The following NAGPA variants were observed in gnomAD, a reference collection of about 807,000 sequenced individuals.
NAGPA encodes the protein N-acetylglucosamine-1-phosphodiester alpha-N-acetylglucosaminidase.
Under a neutral mutation model 48.5 loss-of-function variants are expected in NAGPA, and 56 were observed. That is an observed-to-expected ratio of 1.15 (90% CI 0.93 to 1.44). NAGPA has a LOEUF of 1.44. Among genes scored for constraint, NAGPA ranks in the 40% most tolerant of loss-of-function variants. NAGPA has a pLI of 0.00. For synonymous variants in NAGPA, 399 were observed against 315.5 expected (o/e 1.26, Z -2.81); for missense variants, 888 against 735.0 (o/e 1.21, Z -2.41).
intron 5 of NAGPA, chr16:5,028,626 C>G: frequency 3.4e-6 from 2 of 591,776 alleles, no homozygotes; most frequent in Non-Finnish European, 6.0e-6. Flanking sequence ...GAAGGCTCTC[C>G]CACCCCCACC....
In NAGPA at chr16:5,027,217, AG is replaced by A; in HGVS notation, c.1277-20del. ...TGCTTTACTGTAACATACCAGAGACAGGCTGAAGGGGCCGGAGCAGGAGCGT... is the reference window on the plus strand; with the variant it reads ...TGCTTTACTGTAACATACCAGAGACAGCTGAAGGGGCCGGAGCAGGAGCGT... On this transcript the variant is annotated intron_variant, in intron 8 of 9. Coordinates refer to ENST00000312251, the MANE Select transcript of NAGPA (RefSeq NM_016256.4). The A allele has an allele frequency of 6.2e-7, 1 of 1,614,236 alleles. No homozygotes were observed. The highest frequency in any genetic ancestry group is 8.5e-7 in the Non-Finnish European group (1 of 1,180,038).
In NAGPA at chr16:5,028,284, T is replaced by TCTAC; in HGVS notation, c.921-103_921-100dup. On this transcript the variant is annotated intron_variant, in intron 5 of 9. Transcript: ENST00000312251. Reference sequence around the variant, plus strand: ...CCACCCCTCTCTCCATTCTCACCTGTCTACCTACCTACCTACAAGATGGCG... The same window carrying TCTAC: ...CCACCCCTCTCTCCATTCTCACCTGTCTACCTACCTACCTACCTACAAGATGGCG... 62 of 1,534,808 alleles carry TCTAC rather than the reference T, an allele frequency of 4.0e-5. No homozygotes were observed. The African/African-American group carries it at 6.7e-4, about 16-fold the overall frequency.
Position 5,030,867 on chromosome 16 carries a change from G to A in NAGPA, c.683-374C>T, listed in dbSNP as rs187136905. 2.2e-4 allele frequency among the ~76,000 whole-genome samples: 34 copies of A among 151,870 alleles called. No individual in the cohort carries two copies. In the East Asian group the frequency reaches 6.0e-3, roughly 27 times the overall value. ...CCTGTTCCCTCTGGCTGGGAACTGT[G>A]CTTTTCTCTAGCTTGCTCCTTTGTC... On this transcript the variant is annotated intron_variant, in intron 3 of 9. Coordinates refer to ENST00000312251, the MANE Select transcript of NAGPA (RefSeq NM_016256.4).
At chr16:5,028,323 G>C (rs1375130417) in intron 5 of NAGPA, 138 bp from the exon 6 acceptor site, 2 of 1,492,316 alleles carry the variant, frequency 1.3e-6, no homozygotes, top group African/African-American at 1.4e-5. Flanking sequence ...ATCTATTTTT[G>C]AGATGAGGTA....
chr16:5,027,996 G>GCAC lies in NAGPA; in HGVS notation c.1109_1110insGTG (p.His370delinsGlnCys), dbSNP rs757777767. The GCAC allele has an allele frequency of 1.3e-6, 2 of 1,597,530 alleles. No homozygotes were observed. The highest frequency in any genetic ancestry group is 1.7e-6 in the Non-Finnish European group (2 of 1,173,776). On this transcript the variant is annotated protein_altering_variant, in exon 6 of 10. Transcript: ENST00000312251. ...CCCACTCACTCTCCGTGCACAGTCCGTGCTGGCTGCAGTTAGAGGGGCCAC... is the reference window on the plus strand; with the variant it reads ...CCCACTCACTCTCCGTGCACAGTCCGCACTGCTGGCTGCAGTTAGAGGGGCCAC...
At chr16:5,030,201 C>A (rs1956075154) in intron 4 of NAGPA, 184 bp downstream of exon 4, 1 of 639,322 alleles carries the variant, frequency 1.6e-6, no homozygotes, top group Non-Finnish European at 2.8e-6. Flanking sequence ...ATGATGAGTT[C>A]TTGGAATCGG....
In NAGPA at chr16:5,031,870, T is replaced by A; in HGVS notation, c.557A>T (p.Glu186Val). 13 of 1,614,086 alleles carry A rather than the reference T, an allele frequency of 8.1e-6. No homozygotes were observed. Among genetic ancestry groups the A allele is most frequent in the Non-Finnish European group, 1.1e-5 (13 of 1,180,004 alleles). Reference protein sequence around the residue: ...GTLVTGYLSEEEVLDTENPFV... With the variant: ...GTLVTGYLSEVEVLDTENPFV... Reference sequence around the variant, plus strand: ...TGGGTTCTCAGTGTCCAGCACCTCCTCCTCAGACAGGTACCTGGATCCGGG... The same window carrying A: ...TGGGTTCTCAGTGTCCAGCACCTCCACCTCAGACAGGTACCTGGATCCGGG... The change falls in exon 3 of 10, where the codon GAG becomes GTG. Residue 186 changes from glutamate (E) to valine (V), a missense_variant. Glu to Val is a moderately radical substitution (Grantham distance 121). Transcript: ENST00000312251.
At chr16:5,027,576 C>T (rs1417186231) in intron 7 of NAGPA, among the ~76,000 whole-genome samples, 197 bp from the exon 8 acceptor site, 1 of 152,222 alleles carries the variant, frequency 6.6e-6, no homozygotes, top group Non-Finnish European at 1.5e-5. Flanking sequence ...TACAGAGGCA[C>T]TGCAGTTAGG....
At chr16:5,030,518 T>C in intron 3 of NAGPA, 25 bp from the exon 4 acceptor site, 1 of 1,540,598 alleles carries the variant, frequency 6.5e-7, no homozygotes. Flanking sequence ...GCCTGGCTGA[T>C]CACCGCCCCT....
chr16:5,029,974 G>T (rs1596664646), intron 4 of NAGPA: 1 of 295,742 alleles, frequency 3.4e-6, no homozygotes, highest in East Asian at 8.8e-5. Context: ...TGCTAAATTT[G>T]TGCTGGTTAT....
intron 5 of NAGPA, chr16:5,028,522 C>T: frequency 1.7e-6 from 1 of 597,714 alleles, no homozygotes; most frequent in South Asian, 1.7e-5. Flanking sequence ...GGCGTGAGCC[C>T]CTGTGCCCAG....
At chr16:5,027,060 A>C in intron 9 of NAGPA, 75 bp downstream of exon 9, 1 of 1,554,300 alleles carries the variant, frequency 6.4e-7, no homozygotes, top group Non-Finnish European at 8.8e-7. Context: ...GCAGAGATGG[A>C]CCTCACAGGG....
intron 8 of NAGPA, 32 bp from the exon 9 acceptor site, chr16:5,027,230 CG>C: frequency 1.2e-6 from 2 of 1,614,104 alleles, no homozygotes; most frequent in Non-Finnish European, 1.7e-6. Context: ...CTGAAGGGGC[CG>C]GAGCAGGAGC....
Position 5,033,720 on chromosome 16 carries a change from C to G in NAGPA, c.95G>C (p.Arg32Pro). Residue 32 changes from arginine to proline, a missense_variant, in exon 2 of 10, where the codon CGC becomes CCC. Coordinates refer to ENST00000312251, the MANE Select transcript of NAGPA (RefSeq NM_016256.4). This position sits in a 1 kb window ranked among gnomAD's most constrained non-coding sequence, Gnocchi z 4.2. ...ASGGLDSGASRDDDLLLPYPR... is the reference protein window; with the variant it reads ...ASGGLDSGASPDDDLLLPYPR... ...ATAGGGCAGTAGCAAGTCGTCGTCGCGGGAGGCCCTGCGGGGACGGGCGGC... is the reference window on the plus strand; with the variant it reads ...ATAGGGCAGTAGCAAGTCGTCGTCGGGGGAGGCCCTGCGGGGACGGGCGGC... 1 of 1,603,754 alleles carries G rather than the reference C, an allele frequency of 6.2e-7. No individual in the cohort carries two copies. Among genetic ancestry groups the G allele is most frequent in the Non-Finnish European group, 8.5e-7 (1 of 1,177,464 alleles).
At position 5,033,688 on chromosome 16, in the gene NAGPA, C is replaced by G; in HGVS notation, c.127G>C (p.Ala43Pro). ...CAGTCCCGGGGGAGGCGCGCGCGCG[C>G]GCGTGGATAGGGCAGTAGCAAGTCG... Reference protein sequence around the residue: ...DDDLLLPYPRARARLPRDCTR... With the variant: ...DDDLLLPYPRPRARLPRDCTR... The change falls in exon 2 of 10, where the codon GCG becomes CCG. Residue 43 changes from alanine to proline, a missense_variant. Ala to Pro is a conservative substitution (Grantham distance 27). Coordinates refer to ENST00000312251, the MANE Select transcript of NAGPA (RefSeq NM_016256.4). The surrounding 1 kb of genome is among the most constrained non-coding windows in gnomAD (Gnocchi z 4.2). 1 of 1,596,706 alleles carries G rather than the reference C, an allele frequency of 6.3e-7. No homozygotes were observed. The highest frequency in any genetic ancestry group is 8.5e-7 in the Non-Finnish European group (1 of 1,175,812).
chr16:5,032,490 C>T (rs866443490), intron 2 of NAGPA, among the ~76,000 whole-genome samples: 1 of 126,730 alleles, frequency 7.9e-6, no homozygotes, highest in Non-Finnish European at 1.7e-5. Context: ...CCCACTCCCC[C>T]GTTCCCCACC....
intron 9 of NAGPA, 90 bp downstream of exon 9, chr16:5,027,045 C>G (rs915303794): frequency 4.7e-6 from 7 of 1,495,772 alleles, no homozygotes; most frequent in Admixed American, 3.6e-5. Flanking sequence ...TGGCAGGGGA[C>G]AAGGGCAGAG....
At position 5,033,196 on chromosome 16, in the gene NAGPA, T is replaced by G. The variant is rs549194195; in HGVS notation, c.542+77A>C. ...CAGGGGCTCAGCTTGGTTAAGTGAC[T>G]TGAACACGGAGGCACGGCTACAACC... On this transcript the variant is annotated intron_variant, in intron 2 of 9. Transcript: ENST00000312251. This position sits in a 1 kb window ranked among gnomAD's most constrained non-coding sequence, Gnocchi z 4.2. 3 of 1,504,686 alleles carry G rather than the reference T, an allele frequency of 2.0e-6. No homozygotes were observed. The highest frequency in any genetic ancestry group is 2.7e-6 in the Non-Finnish European group (3 of 1,118,996). The allele number at this position is 1,504,686 out of a possible 1,614,324, so 93.2% of individuals were successfully genotyped here. A position where few individuals can be genotyped will look rare whatever the true frequency, so the allele number is the denominator to read the frequency against.
At position 5,030,449 on chromosome 16, in the gene NAGPA, T is replaced by G. The variant is rs1033498304; in HGVS notation, c.727A>C (p.Ile243Leu). ...FVNVISARTA[I>L]GHDRKGQLVL... ...AGCTGCCCTTTCCGGTCGTGGCCAA[T>G]GGCCGTCCTGGCTGATATCACATTC... Residue 243 changes from isoleucine (I) to leucine (L), a missense_variant, in exon 4 of 10, where the codon ATT becomes CTT. Physicochemically the swap from Ile to Leu is conservative, Grantham distance 5. Transcript: ENST00000312251. 4 of 1,554,540 alleles carry G rather than the reference T, an allele frequency of 2.6e-6. No homozygotes were observed. The highest frequency in any genetic ancestry group is 3.5e-6 in the Non-Finnish European group (4 of 1,148,376).
Sources: gnomAD v4.1 joint callset for allele counts (sites outside exome capture counted in the v4.1 genomes callset) on GRCh38, gnomAD v4.1.1 for gene constraint, Gnocchi (gnomAD v3.1) non-coding constraint, MANE v1.5 for transcripts, NCBI Gene and HGNC (gene_info 2026-07-23, HGNC 2026-07-21) for gene names.